Variants in FNBP1 observed in about 807,000 individuals in gnomAD.
FNBP1 encodes the protein formin-binding protein 1.
In FNBP1, 26 loss-of-function variants were observed where a neutral mutation model predicts 90.6. That is an observed-to-expected ratio of 0.29 (90% CI 0.21 to 0.40). The LOEUF (loss-of-function observed/expected upper bound fraction) is 0.40. Among genes scored for constraint, FNBP1 ranks in the 10% least tolerant of loss-of-function variants. FNBP1 has a pLI of 1.00. For missense variants in FNBP1, 635 were observed against 768.0 expected (o/e 0.83, Z 2.05); for synonymous variants, 260 against 265.2 (o/e 0.98, Z 0.19).
Position 129,888,476 on chromosome 9 carries a change from T to C in FNBP1, c.*2063A>G. Reference sequence around the variant, plus strand: ...GGTGCGGCCCTGACTCTTCTCACCCTGTGTCATCCGGGCTTGTCTTTCGTC... The same window carrying C: ...GGTGCGGCCCTGACTCTTCTCACCCCGTGTCATCCGGGCTTGTCTTTCGTC... On this transcript the variant is annotated 3_prime_UTR_variant, in exon 17 of 17. Coordinates refer to ENST00000446176, the MANE Select transcript of FNBP1 (RefSeq NM_015033.3). The C allele has an allele frequency of 4.3e-6, 1 of 232,606 alleles. No homozygotes were observed. 14.4% of individuals were successfully genotyped at this position (232,606 alleles called of 1,614,324 possible).
At chr9:129,968,011 C>A (rs1199131841) in intron 4 of FNBP1, among the ~76,000 whole-genome samples, 1 of 150,576 alleles carries the variant, frequency 6.6e-6, no homozygotes. Flanking sequence ...GGGGGGGTCA[C>A]CAGACCAGTG....
intron 16 of FNBP1, among the ~76,000 whole-genome samples, chr9:129,891,910 G>C (rs964163553): frequency 1.3e-5 from 2 of 152,162 alleles, no homozygotes; most frequent in Non-Finnish European, 2.9e-5. Context: ...ATTTATTAGA[G>C]AAGCAGATAC....
intron 1 of FNBP1, among the ~76,000 whole-genome samples, chr9:130,019,372 A>AT (rs963480764): frequency 3.3e-5 from 5 of 151,784 alleles, no homozygotes; most frequent in Admixed American, 1.3e-4. Context: ...CAGCCAAATG[A>AT]TTTTTTTTGG....
At chr9:130,029,258 C>T (rs1335303873) in intron 1 of FNBP1, among the ~76,000 whole-genome samples, 2 of 151,854 alleles carry the variant, frequency 1.3e-5, no homozygotes, top group East Asian at 1.9e-4. Flanking sequence ...TGAGCTCAAG[C>T]GATCCTCCCA....
In FNBP1 at chr9:129,914,755, G is replaced by GTGTATATATATATATA. The variant is rs71499203; in HGVS notation, c.1185+1210_1185+1211insTATATATATATATACA. 1.1e-3 allele frequency among the ~76,000 whole-genome samples: 111 copies of GTGTATATATATATATA among 98,418 alleles called. 17 individuals carry two copies. The highest frequency in any genetic ancestry group is 3.1e-3 in the East Asian group (8 of 2,590). The allele number at this position is 98,418 out of a possible 152,430, so 64.6% of individuals were successfully genotyped here. On this transcript the variant is annotated intron_variant, in intron 11 of 16. Coordinates refer to ENST00000446176, the MANE Select transcript of FNBP1 (RefSeq NM_015033.3). ...AAAAATTATGTATATACATACATAT[G>GTGTATATATATATATA]TCTATATATATATATATATATATAT...
intron 12 of FNBP1, among the ~76,000 whole-genome samples, chr9:129,907,848 C>T (rs1337501831): frequency 1.3e-5 from 2 of 152,084 alleles, no homozygotes; most frequent in Non-Finnish European, 2.9e-5. Flanking sequence ...CCTGTCTCAG[C>T]CTCCCAAGTA....
At position 129,923,910 on chromosome 9, in the gene FNBP1, G is replaced by A. The variant is rs761930316; in HGVS notation, c.1104C>T (p.Ser368=). Reference sequence around the variant, plus strand: ...AGGTCATGAACTCGTTGAAGCGATGGGAGAGGGGTTCCTTTTGCTGCTTGG... The same window carrying A: ...AGGTCATGAACTCGTTGAAGCGATGAGAGAGGGGTTCCTTTTGCTGCTTGG... ...QSPKQQKEPL[S]HRFNEFMTSK... is the part of the protein sequence containing the mutation. Residue 368 remains serine, a synonymous_variant, in exon 10 of 17, where the codon TCC becomes TCT. Transcript: ENST00000446176. 5.0e-6 allele frequency: 8 copies of A among 1,601,150 alleles called. No homozygotes were observed. The highest frequency in any genetic ancestry group is 6.8e-6 in the Non-Finnish European group (8 of 1,175,194).
chr9:130,034,154 T>C (rs1298299035), intron 1 of FNBP1, among the ~76,000 whole-genome samples: 1 of 150,188 alleles, frequency 6.7e-6, no homozygotes, highest in African/African-American at 2.5e-5. Context: ...ACCCCGTCTC[T>C]ACTAAAAATA....
At chr9:129,903,139 C>G in intron 12 of FNBP1, 138 bp from the exon 13 acceptor site, 2 of 789,224 alleles carry the variant, frequency 2.5e-6, no homozygotes, top group Non-Finnish European at 3.9e-6. Context: ...GCAACCTTCA[C>G]CTCCAGGGTT....
chr9:130,001,320 A>C (rs1391195030), intron 1 of FNBP1, among the ~76,000 whole-genome samples: 3,609 of 16,246 alleles, frequency 0.22, 211 homozygotes, highest in African/African-American at 0.24. Flanking sequence ...TCAAAAAAAC[A>C]AAACAAAACA....
Position 130,031,443 on chromosome 9 carries a change from G to GCC in FNBP1, c.24+11507_24+11508dup, listed in dbSNP as rs2058793439. On this transcript the variant is annotated intron_variant, in intron 1 of 16. Transcript: ENST00000446176. This position sits in a 1 kb window ranked among gnomAD's most constrained non-coding sequence, Gnocchi z 4.2. ...CCTGCTCATCATTTGAGAGCTCTGT[G>GCC]CCCTCCATGACCCTTTGGACATACC... Among the ~76,000 whole-genome samples the GCC allele has an allele frequency of 6.6e-6, 1 of 152,116 alleles. No individual in the cohort carries two copies. The highest frequency in any genetic ancestry group is 1.5e-5 in the Non-Finnish European group (1 of 68,030).
At chr9:129,955,240 G>A (rs1388900372) in intron 6 of FNBP1, among the ~76,000 whole-genome samples, 1 of 150,226 alleles carries the variant, frequency 6.7e-6, no homozygotes, top group East Asian at 2.0e-4. Flanking sequence ...GAGGCTGAGT[G>A]CTTTTTTTTT....
At chr9:130,006,164 TG>T in intron 1 of FNBP1, among the ~76,000 whole-genome samples, 1 of 152,150 alleles carries the variant, frequency 6.6e-6, no homozygotes, top group Non-Finnish European at 1.5e-5. Flanking sequence ...AGGTACAGGC[TG>T]GGTATGGTGG....
At chr9:129,944,644 T>G (rs986293882) in intron 6 of FNBP1, among the ~76,000 whole-genome samples, 1 of 151,606 alleles carries the variant, frequency 6.6e-6, no homozygotes, top group Non-Finnish European at 1.5e-5. Flanking sequence ...GCAATAACAG[T>G]GTCAGCCAAT....
intron 2 of FNBP1, among the ~76,000 whole-genome samples, chr9:129,989,334 T>C (rs779205005): frequency 3.9e-5 from 6 of 152,216 alleles, no homozygotes; most frequent in Non-Finnish European, 7.3e-5. Context: ...TCCCTAGTGA[T>C]TGAAACTCGG....
chr9:130,033,108 C>A (rs1165416989), intron 1 of FNBP1, among the ~76,000 whole-genome samples: 2 of 152,044 alleles, frequency 1.3e-5, no homozygotes, highest in African/African-American at 4.8e-5. Context: ...TTTTCATTAA[C>A]CTTCCCCATG....
chr9:129,914,428 A>T (rs1422834673), intron 11 of FNBP1, among the ~76,000 whole-genome samples: 1 of 152,008 alleles, frequency 6.6e-6, no homozygotes, highest in African/African-American at 2.4e-5. Context: ...TCAAACAGAA[A>T]GACTGCCTAA....
intron 2 of FNBP1, among the ~76,000 whole-genome samples, chr9:129,987,504 T>G (rs1444851917): frequency 6.6e-6 from 1 of 152,052 alleles, no homozygotes; most frequent in Non-Finnish European, 1.5e-5. Context: ...AATAATGACA[T>G]CCTGTAAGTT....
chr9:129,945,951 T>G (rs2045210796), intron 6 of FNBP1, among the ~76,000 whole-genome samples: 2 of 152,186 alleles, frequency 1.3e-5, no homozygotes, highest in Admixed American at 6.5e-5. Flanking sequence ...ACGGATCACT[T>G]GAGCCCAGAA....
Sources: allele counts gnomAD v4.1 joint callset (sites outside exome capture counted in the v4.1 genomes callset), GRCh38; gene constraint gnomAD v4.1.1; non-coding constraint Gnocchi (gnomAD v3.1); transcripts MANE v1.5; gene names NCBI Gene and HGNC (gene_info 2026-07-23, HGNC 2026-07-21).